TMSB15B: variants seen among roughly 807,000 people sequenced by gnomAD.
The protein encoded by TMSB15B is thymosin beta 15B, also known as thymosin beta-15B.
chrX:103,950,164 G>A (rs782584315), intron 1 of TMSB15B, among the ~76,000 whole-genome samples: 1 of 111,617 alleles, frequency 9.0e-6, no homozygotes, highest in Non-Finnish European at 1.9e-5. Flanking sequence ...TGATTAGAAT[G>A]TGTCCAAGAG....
chrX:103,938,062 T>A (rs782815215), intron 1 of TMSB15B, among the ~76,000 whole-genome samples: 1 of 111,961 alleles, frequency 8.9e-6, no homozygotes, highest in African/African-American at 3.2e-5. Flanking sequence ...CTTTTGCATT[T>A]GCTGAGGAGT....
chrX:103,952,490 C>T (rs1556328455), intron 1 of TMSB15B, among the ~76,000 whole-genome samples: 1 of 110,747 alleles, frequency 9.0e-6, no homozygotes, highest in Non-Finnish European at 1.9e-5. Context: ...TGTGAGTGGG[C>T]TTCAGGGGAT....
intron 1 of TMSB15B, among the ~76,000 whole-genome samples, chrX:103,948,847 T>A (rs2075032070): frequency 8.9e-6 from 1 of 112,328 alleles, no homozygotes; most frequent in African/African-American, 3.2e-5. Flanking sequence ...AGACATTACA[T>A]TTCCATGTGG....
chrX:103,929,407 A>G (rs2074978360), intron 1 of TMSB15B, among the ~76,000 whole-genome samples: 1 of 111,867 alleles, frequency 8.9e-6, no homozygotes, highest in African/African-American at 3.2e-5. Context: ...AACTGAGTGG[A>G]ACTCCAATTT....
At chrX:103,943,822 T>G (rs1242168597) in intron 1 of TMSB15B, among the ~76,000 whole-genome samples, 1 of 112,272 alleles carries the variant, frequency 8.9e-6, no homozygotes, top group African/African-American at 3.2e-5. Context: ...ATGCTATCCA[T>G]TTTTAAAGGC....
intron 1 of TMSB15B, among the ~76,000 whole-genome samples, chrX:103,923,401 A>G (rs2074959359): frequency 8.9e-6 from 1 of 112,283 alleles, no homozygotes; most frequent in Non-Finnish European, 1.9e-5. Flanking sequence ...GAAGGGATCC[A>G]GTTTCAGCTT....
chrX:103,935,328 C>A (rs189940907), intron 1 of TMSB15B, among the ~76,000 whole-genome samples: 3 of 111,781 alleles, frequency 2.7e-5, no homozygotes, highest in Non-Finnish European at 5.6e-5. Flanking sequence ...TTTTGCTGTG[C>A]GGAAGCTCTT....
rs782721565 is a variant in TMSB15B at position 103,920,390 on chromosome X, C to G, written c.-721+1098C>G. ...AAAGAGTGTGATTTGTAGTTTTAAA[C>G]AGCCCCATAGTTGATTCTGAGGTGT... On this transcript the variant is annotated intron_variant, in intron 1 of 3. Coordinates refer to the TMSB15B transcript ENST00000419165. Among the ~76,000 whole-genome samples the G allele has an allele frequency of 3.6e-5, 4 of 112,074 alleles. No individual in the cohort carries two copies. The South Asian group carries it at 1.5e-3, about 42-fold the overall frequency.
At chrX:103,954,232 C>T (rs2075045786) in intron 1 of TMSB15B, among the ~76,000 whole-genome samples, 1 of 112,363 alleles carries the variant, frequency 8.9e-6, no homozygotes, top group Non-Finnish European at 1.9e-5. Context: ...GACTTTAGCA[C>T]TATGGGAACT....
chrX:103,930,759 AT>A (rs2074982808), intron 1 of TMSB15B, among the ~76,000 whole-genome samples: 7 of 106,809 alleles, frequency 6.6e-5, no homozygotes, highest in African/African-American at 1.4e-4. Context: ...AATAATAATA[AT>A]AATAATAAAT....
chrX:103,926,223 C>T (rs2074967507), intron 1 of TMSB15B, among the ~76,000 whole-genome samples: 1 of 109,464 alleles, frequency 9.1e-6, no homozygotes, highest in Non-Finnish European at 1.9e-5. Context: ...GGGCTGAGTA[C>T]AGGAGGCTGA....
intron 1 of TMSB15B, among the ~76,000 whole-genome samples, chrX:103,934,411 T>C (rs143024706): frequency 8.8e-4 from 98 of 110,740 alleles, no homozygotes; most frequent in African/African-American, 3.2e-3. Flanking sequence ...AACGTAGGTG[T>C]ACATGTGCCA....
chrX:103,920,250 A>G (rs1345642796), intron 1 of TMSB15B, among the ~76,000 whole-genome samples: 8 of 111,778 alleles, frequency 7.2e-5, no homozygotes, highest in Non-Finnish European at 1.1e-4. Flanking sequence ...AACTCATACT[A>G]TTAACTAAAG....
chrX:103,946,072 G>A (rs1293267146), intron 1 of TMSB15B, among the ~76,000 whole-genome samples: 5 of 111,964 alleles, frequency 4.5e-5, no homozygotes, highest in Non-Finnish European at 9.4e-5. Context: ...CATGTATTCT[G>A]TCAGAAGACA....
chrX:103,938,739 C>T (rs1331846049), intron 1 of TMSB15B, among the ~76,000 whole-genome samples: 5 of 111,957 alleles, frequency 4.5e-5, no homozygotes, highest in Non-Finnish European at 9.4e-5. Flanking sequence ...AATGCAGTTT[C>T]TCATAGTGTC....
intron 1 of TMSB15B, chrX:103,928,447 T>G: frequency 8.3e-7 from 1 of 1,204,200 alleles, no homozygotes; most frequent in Non-Finnish European, 1.1e-6. Flanking sequence ...GGGACGCCAC[T>G]GGGCTGCAGG....
intron 1 of TMSB15B, among the ~76,000 whole-genome samples, chrX:103,938,737 T>G (rs1238616233): frequency 2.7e-5 from 3 of 112,206 alleles, no homozygotes; most frequent in African/African-American, 9.7e-5. Flanking sequence ...TTAATGCAGT[T>G]TCTCATAGTG....
chrX:103,925,086 T>G (rs181102154), intron 1 of TMSB15B, among the ~76,000 whole-genome samples: 1 of 112,187 alleles, frequency 8.9e-6, no homozygotes, highest in African/African-American at 3.2e-5. Flanking sequence ...AAGCATCTTT[T>G]TTTTGGATAT....
At chrX:103,955,134 GA>G (rs1190515296) in intron 1 of TMSB15B, among the ~76,000 whole-genome samples, 2 of 110,573 alleles carry the variant, frequency 1.8e-5, no homozygotes, top group East Asian at 2.8e-4. Flanking sequence ...TAGGATAAAA[GA>G]AAAAAAACAT....
Sources: gnomAD v4.1 joint callset for allele counts (sites outside exome capture counted in the v4.1 genomes callset) on GRCh38, gnomAD v4.1.1 for gene constraint, MANE v1.5 for transcripts, NCBI Gene and HGNC (gene_info 2026-07-23, HGNC 2026-07-21) for gene names.